Variants in SUDS3 observed in about 807,000 individuals in gnomAD.
SUDS3 encodes the protein SIN3A corepressor complex component SDS3, also known as sin3 histone deacetylase corepressor complex component SDS3.
A neutral mutation model predicts 53.5 loss-of-function variants in SUDS3; 23 were observed. That is an observed-to-expected ratio of 0.43 (90% CI 0.31 to 0.61). The LOEUF (loss-of-function observed/expected upper bound fraction) is 0.61, where lower values mean the gene tolerates loss of function less well. Among genes scored for constraint, SUDS3 ranks in the 20% least tolerant of loss-of-function variants. SUDS3 has a pLI of 0.10. For synonymous variants in SUDS3, 150 were observed against 148.5 expected (o/e 1.01, Z -0.08); for missense variants, 291 against 405.9 (o/e 0.72, Z 2.43).
At chr12:118,381,833 C>T (rs1250419842) in intron 2 of SUDS3, among the ~76,000 whole-genome samples, 2 of 152,150 alleles carry the variant, frequency 1.3e-5, no homozygotes, top group Admixed American at 6.5e-5. Context: ...AGATGGAAAA[C>T]GGTATAAAGT....
intron 5 of SUDS3, among the ~76,000 whole-genome samples, chr12:118,390,578 G>A (rs2046156544): frequency 3.9e-5 from 6 of 152,204 alleles, no homozygotes; most frequent in Admixed American, 3.9e-4. Flanking sequence ...TGATCAGCCT[G>A]AAGGTACACT....
intron 11 of SUDS3, among the ~76,000 whole-genome samples, chr12:118,412,740 A>G (rs752297863): frequency 1.3e-5 from 2 of 151,514 alleles, no homozygotes; most frequent in East Asian, 1.9e-4. Flanking sequence ...TCAGAAAAAT[A>G]TAAATGCAAG....
chr12:118,401,722 CTG>C (rs1261942165), intron 7 of SUDS3, 35 bp from the exon 8 acceptor site: 8 of 1,565,074 alleles, frequency 5.1e-6, no homozygotes, highest in African/African-American at 1.4e-5. Flanking sequence ...TGCCTGGAAA[CTG>C]TACTTTTCAC....
chr12:118,414,632 C>T lies in SUDS3; in HGVS notation c.*199C>T, dbSNP rs1289402783. The T allele has an allele frequency of 4.2e-6, 2 of 471,462 alleles. No homozygotes were observed. Among genetic ancestry groups the T allele is most frequent in the Non-Finnish European group, 3.7e-6 (1 of 268,064 alleles). The allele number at this position is 471,462 out of a possible 1,614,324, so 29.2% of individuals were successfully genotyped here. A position where few individuals can be genotyped will look rare whatever the true frequency, so the allele number is the denominator to read the frequency against. The stretch of plus-strand genomic sequence containing the variant: ...ACTTTGTCAGTCTTTTCTGCCTCAA[C>T]TTCTTCCAGACATCAGTCACCATGA... On this transcript the variant is annotated 3_prime_UTR_variant, in exon 12 of 12. Transcript: ENST00000543473.
At chr12:118,384,143 C>T in intron 3 of SUDS3, 76 bp downstream of exon 3, 1 of 1,426,968 alleles carries the variant, frequency 7.0e-7, no homozygotes. Context: ...GTGTATTTCA[C>T]TTCTCTGTGG....
At chr12:118,380,110 C>A in intron 1 of SUDS3, 52 bp from the exon 2 acceptor site, 2 of 1,481,076 alleles carry the variant, frequency 1.4e-6, no homozygotes, top group Non-Finnish European at 1.9e-6. Context: ...CAGGTGACGC[C>A]AACTCCGTGA....
At chr12:118,394,019 T>C (rs577269919) in intron 6 of SUDS3, among the ~76,000 whole-genome samples, 21 of 152,286 alleles carry the variant, frequency 1.4e-4, no homozygotes, top group African/African-American at 4.6e-4. Flanking sequence ...CTGATCCTGC[T>C]GGTTGATAGC....
intron 2 of SUDS3, among the ~76,000 whole-genome samples, chr12:118,381,508 G>A (rs1038697921): frequency 6.6e-6 from 1 of 151,678 alleles, no homozygotes; most frequent in Non-Finnish European, 1.5e-5. Flanking sequence ...TCAGCCTCCC[G>A]AGTAGCAAGG....
chr12:118,386,592 C>G (rs1386169650), intron 4 of SUDS3, among the ~76,000 whole-genome samples: 1 of 151,652 alleles, frequency 6.6e-6, no homozygotes, highest in Non-Finnish European at 1.5e-5. Context: ...GGAGGGTCTT[C>G]TTGTTATTTT....
At chr12:118,412,095 C>T (rs955366455) in intron 11 of SUDS3, among the ~76,000 whole-genome samples, 11 of 152,122 alleles carry the variant, frequency 7.2e-5, no homozygotes, top group African/African-American at 2.2e-4. Context: ...TTGGTCTCCT[C>T]GAGACACTCC....
At chr12:118,403,703 G>A (rs1034557111) in intron 10 of SUDS3, among the ~76,000 whole-genome samples, 186 bp downstream of exon 10, 1 of 152,144 alleles carries the variant, frequency 6.6e-6, no homozygotes, top group African/African-American at 2.4e-5. Flanking sequence ...TTTGAAAGCA[G>A]CGTTTCCCAA....
At chr12:118,402,427 C>A (rs538695022) in intron 9 of SUDS3, 1 of 200,652 alleles carries the variant, frequency 5.0e-6, no homozygotes. Flanking sequence ...TCCAAGGCTG[C>A]TCTGACTCGC....
chr12:118,409,191 A>C (rs767512896), intron 10 of SUDS3, among the ~76,000 whole-genome samples: 42 of 150,050 alleles, frequency 2.8e-4, no homozygotes, highest in Non-Finnish European at 4.7e-4. Flanking sequence ...TCTGTTGCTC[A>C]GGCTGGAGTG....
In SUDS3 at chr12:118,403,481, G is replaced by A. The variant is rs373198095; in HGVS notation, c.767G>A (p.Arg256Gln). ...AESPAQRFEA[R>Q]IEDGKLYYDK... ...TCTCCAGCCCAGAGGTTCGAAGCTC[G>A]GATAGAAGATGGCAAACTGTACTAT... Residue 256 changes from arginine (R) to glutamine (Q), a missense_variant, in exon 10 of 12, where the codon CGG becomes CAG. Physicochemically the swap from Arg to Gln is conservative, Grantham distance 43. Transcript: ENST00000543473. The A allele has an allele frequency of 1.7e-5, 28 of 1,613,396 alleles. No individual in the cohort carries two copies. Among genetic ancestry groups the A allele is most frequent in the Non-Finnish European group, 2.2e-5 (26 of 1,179,768 alleles).
At chr12:118,387,124 G>A (rs2046122061) in intron 4 of SUDS3, among the ~76,000 whole-genome samples, 1 of 152,202 alleles carries the variant, frequency 6.6e-6, no homozygotes, top group Non-Finnish European at 1.5e-5. Flanking sequence ...GAGAGAAAAG[G>A]GGTTGAAGTG....
intron 4 of SUDS3, among the ~76,000 whole-genome samples, chr12:118,386,905 G>T (rs2046119792): frequency 6.6e-6 from 1 of 152,212 alleles, no homozygotes; most frequent in Non-Finnish European, 1.5e-5. Flanking sequence ...GAAATCGCGT[G>T]TATGTGTTGA....
intron 6 of SUDS3, among the ~76,000 whole-genome samples, chr12:118,393,378 C>A (rs932667865): frequency 1.3e-5 from 2 of 152,178 alleles, no homozygotes; most frequent in South Asian, 2.1e-4. Flanking sequence ...AAATAACCCA[C>A]TGGAAACGGG....
intron 10 of SUDS3, among the ~76,000 whole-genome samples, chr12:118,406,578 C>G (rs2046310346): frequency 6.6e-6 from 1 of 152,046 alleles, no homozygotes; most frequent in Non-Finnish European, 1.5e-5. Flanking sequence ...TGTAGAGATT[C>G]CCAGGTCAGA....
chr12:118,384,303 CT>C (rs773471912), intron 3 of SUDS3, among the ~76,000 whole-genome samples: 1 of 152,286 alleles, frequency 6.6e-6, no homozygotes, highest in Admixed American at 6.5e-5. Flanking sequence ...TGAAATCTCA[CT>C]TGGGACTTTC....
Sources: allele counts gnomAD v4.1 joint callset (sites outside exome capture counted in the v4.1 genomes callset), GRCh38; gene constraint gnomAD v4.1.1; transcripts MANE v1.5; gene names NCBI Gene and HGNC (gene_info 2026-07-23, HGNC 2026-07-21).